RBFOX1: variants seen among roughly 807,000 people sequenced by gnomAD.
RBFOX1 encodes RNA binding protein fox-1 homolog 1.
RBFOX1 carries 8 observed loss-of-function variants against 57.7 expected under a neutral mutation model. The observed-to-expected ratio is 0.14, with a 90% CI of 0.08 to 0.25. The LOEUF is 0.25. RBFOX1 is among the 10% of genes least tolerant of loss of function. RBFOX1 has a pLI of 1.00. For synonymous variants in RBFOX1, 326 were observed against 222.4 expected (o/e 1.47, Z -4.15); for missense variants, 611 against 548.5 (o/e 1.11, Z -1.14).
chr16:7,692,554 C>T (rs1163090318), intron 14 of RBFOX1, among the ~76,000 whole-genome samples: 2 of 152,250 alleles, frequency 1.3e-5, no homozygotes, highest in Admixed American at 1.3e-4. Flanking sequence ...CATTTACGAA[C>T]CTAGCCAACC....
At chr16:6,740,480 G>A (rs975418571) in intron 3 of RBFOX1, among the ~76,000 whole-genome samples, 3 of 152,176 alleles carry the variant, frequency 2.0e-5, no homozygotes, top group Admixed American at 6.5e-5. Context: ...CATGGTTATA[G>A]AGTAAACACC....
At chr16:7,498,466 T>A (rs188169894) in intron 4 of RBFOX1, among the ~76,000 whole-genome samples, 9 of 152,180 alleles carry the variant, frequency 5.9e-5, no homozygotes, top group South Asian at 2.1e-4. Flanking sequence ...TTATACTTTC[T>A]GGTAGCCATA....
chr16:7,090,072 T>C (rs2060576634), intron 4 of RBFOX1, among the ~76,000 whole-genome samples: 1 of 152,180 alleles, frequency 6.6e-6, no homozygotes, highest in Non-Finnish European at 1.5e-5. Flanking sequence ...TCTTGCCTTC[T>C]AGTCTGTAAA....
In RBFOX1 at chr16:5,931,943, GACA is replaced by G. The variant is rs569097033; in HGVS notation, c.351+64613_351+64615del. Among the ~76,000 whole-genome samples the G allele has an allele frequency of 1.8e-4, 27 of 152,032 alleles. 2 individuals carry two copies. The South Asian group carries it at 3.3e-3, about 19-fold the overall frequency. On this transcript the variant is annotated intron_variant, in intron 4 of 19. Coordinates refer to the RBFOX1 transcript ENST00000641259. ...CCACTTCAGCCTCCCAAGTAGCTGG[GACA>G]ACAAGCATGCACCATCACTCCTAGC...
intron 1 of RBFOX1, among the ~76,000 whole-genome samples, chr16:5,297,744 A>T (rs1196589408): frequency 6.6e-6 from 1 of 152,208 alleles, no homozygotes; most frequent in Non-Finnish European, 1.5e-5. Flanking sequence ...TCAATTTAGG[A>T]CAAATGTTAC....
intron 1 of RBFOX1, among the ~76,000 whole-genome samples, chr16:6,090,574 T>C (rs1043395977): frequency 1.7e-4 from 26 of 152,238 alleles, no homozygotes; most frequent in African/African-American, 6.0e-4. Flanking sequence ...AAATCTAACA[T>C]TCTGATGACT....
chr16:7,045,823 T>C (rs578231781), intron 3 of RBFOX1, among the ~76,000 whole-genome samples: 2 of 151,916 alleles, frequency 1.3e-5, no homozygotes, highest in Non-Finnish European at 2.9e-5. Context: ...GTGTGGCTAA[T>C]TTTTTTGTAT....
intron 4 of RBFOX1, among the ~76,000 whole-genome samples, chr16:5,900,204 G>A (rs1434761285): frequency 6.6e-6 from 1 of 152,196 alleles, no homozygotes; most frequent in African/African-American, 2.4e-5. Context: ...TGTCATGGGT[G>A]GGGCCAATGT....
intron 4 of RBFOX1, among the ~76,000 whole-genome samples, chr16:5,913,679 A>G (rs771553946): frequency 6.6e-6 from 1 of 152,214 alleles, no homozygotes; most frequent in Admixed American, 6.5e-5. Flanking sequence ...GTAGCAATGC[A>G]AAACAGGCTA....
downstream of RBFOX1, among the ~76,000 whole-genome samples, chr16:5,603,728 GTCTTTAAACAT>G: frequency 6.6e-6 from 1 of 152,160 alleles, no homozygotes. Context: ...AAACATACCT[GTCTTTAAACAT>G]TGCAGTCATC....
intron 3 of RBFOX1, among the ~76,000 whole-genome samples, chr16:6,712,456 T>G (rs963528762): frequency 3.3e-5 from 5 of 152,062 alleles, no homozygotes; most frequent in Non-Finnish European, 5.9e-5. Flanking sequence ...TCCTAACCTT[T>G]CCTCTCATCT....
At chr16:7,316,997 C>G (rs929968454) in intron 4 of RBFOX1, among the ~76,000 whole-genome samples, 11 of 149,510 alleles carry the variant, frequency 7.4e-5, no homozygotes, top group African/African-American at 2.4e-4. Context: ...AACACACACA[C>G]ACACAATAAG....
At chr16:6,572,557 C>T (rs73539216) in intron 2 of RBFOX1, among the ~76,000 whole-genome samples, 2,337 of 152,076 alleles carry the variant, frequency 0.015, 58 homozygotes, top group African/African-American at 0.054. Context: ...TGAGTCTTCC[C>T]CAGATGGACA....
At chr16:5,409,021 G>A (rs2066939566) in intron 1 of RBFOX1, among the ~76,000 whole-genome samples, 1 of 152,196 alleles carries the variant, frequency 6.6e-6, no homozygotes, top group Non-Finnish European at 1.5e-5. Flanking sequence ...ATCGGCGGGT[G>A]AAACCTGTGG....
chr16:5,567,446 T>C (rs75849590), intron 2 of RBFOX1, among the ~76,000 whole-genome samples: 1 of 152,036 alleles, frequency 6.6e-6, no homozygotes, highest in Non-Finnish European at 1.5e-5. Flanking sequence ...AGCCGTATAA[T>C]CTCCACTTTA....
intron 4 of RBFOX1, among the ~76,000 whole-genome samples, chr16:7,126,041 C>T (rs1024322758): frequency 7.9e-5 from 12 of 152,140 alleles, no homozygotes; most frequent in Non-Finnish European, 1.5e-4. Context: ...TGAGATCGCA[C>T]CATTGCACTG....
rs189423461 is a variant in RBFOX1 at position 5,957,739 on chromosome 16, G to A, written c.351+90404G>A. ...GGGCACATGAGATGTTTTGATACAC[G>A]CATGCAATGTACCACAGTCACATCA... On this transcript the variant is annotated intron_variant, in intron 4 of 19. Transcript: ENST00000641259. 8.5e-5 allele frequency among the ~76,000 whole-genome samples: 13 copies of A among 152,212 alleles called. No individual in the cohort carries two copies. In the South Asian group the frequency reaches 1.2e-3, roughly 15 times the overall value.
intron 4 of RBFOX1, among the ~76,000 whole-genome samples, chr16:7,300,838 A>G (rs969452858): frequency 6.6e-5 from 10 of 152,124 alleles, no homozygotes; most frequent in Non-Finnish European, 1.2e-4. Flanking sequence ...TTGATTGCCA[A>G]TTTTCCTGCA....
At chr16:6,259,818 A>G (rs1457352185) in intron 1 of RBFOX1, among the ~76,000 whole-genome samples, 1 of 151,936 alleles carries the variant, frequency 6.6e-6, no homozygotes, top group African/African-American at 2.4e-5. Flanking sequence ...AAAAGTAGCC[A>G]GGCCTGGTGG....
Sources: gnomAD v4.1 joint callset for allele counts (sites outside exome capture counted in the v4.1 genomes callset) on GRCh38, gnomAD v4.1.1 for gene constraint, MANE v1.5 for transcripts, NCBI Gene and HGNC (gene_info 2026-07-23, HGNC 2026-07-21) for gene names.